Variants in LILRB1 observed in about 807,000 individuals in gnomAD.
LILRB1 encodes leukocyte immunoglobulin like receptor B1, also known as leukocyte immunoglobulin-like receptor subfamily B member 1.
LILRB1 carries 59 observed loss-of-function variants against 74.6 expected under a neutral mutation model. The observed-to-expected ratio is 0.79, with a 90% confidence interval of 0.64 to 0.98. LILRB1 has a LOEUF of 0.98. LILRB1 is among the 50% of genes least tolerant of loss of function. The probability of loss-of-function intolerance (pLI) is 0.00; values close to 1 mark genes in which losing one functional copy is unlikely to be tolerated. For missense variants in LILRB1, 804 were observed against 822.6 expected, an observed-to-expected ratio of 0.98 and a Z score of 0.28; for synonymous variants, 328 against 333.9, an observed-to-expected ratio of 0.98 and a Z score of 0.19.
chr19:54,633,635 C>G lies in LILRB1; in HGVS notation c.1262-3C>G, dbSNP rs2064116958. ...CTCAGCCTCCTCTCATTCTTTTACC[C>G]AGGACCGTCTGGGGGCCCCAGCTCC... On this transcript the variant is annotated splice_polypyrimidine_tract_variant and splice_region_variant and intron_variant, in intron 7 of 14. Coordinates refer to ENST00000324602, the MANE Select transcript of LILRB1 (RefSeq NM_001081637.3). The G allele has an allele frequency of 6.2e-7, 1 of 1,613,220 alleles. No homozygotes were observed. The highest frequency in any genetic ancestry group is 1.3e-5 in the African/African-American group (1 of 74,934).
At chr19:54,617,925 A>C (rs946130570) in intron 1 of LILRB1, among the ~76,000 whole-genome samples, 2 of 151,814 alleles carry the variant, frequency 1.3e-5, no homozygotes, top group African/African-American at 2.4e-5. Flanking sequence ...AACATGGTGA[A>C]TCCCTGTCTC....
intron 1 of LILRB1, among the ~76,000 whole-genome samples, chr19:54,625,146 C>A (rs1454066571): frequency 7.3e-6 from 1 of 137,640 alleles, no homozygotes; most frequent in Non-Finnish European, 1.6e-5. Flanking sequence ...TCAGGGGCCT[C>A]TGAGCATTGG....
rs566286558 is a variant in LILRB1 at position 54,620,125 on chromosome 19, C to T, written c.-166+2776C>T. ...TTGCTTTAAAATGAAGAAAAAATTACGGAGATAAAACTAAATAAAAAGAAC... is the reference window on the plus strand; with the variant it reads ...TTGCTTTAAAATGAAGAAAAAATTATGGAGATAAAACTAAATAAAAAGAAC... On this transcript the variant is annotated intron_variant, in intron 1 of 15. Transcript: ENST00000396331. Among the ~76,000 whole-genome samples, 14 of 151,154 alleles carry T rather than the reference C, an allele frequency of 9.3e-5. No homozygotes were observed. In the South Asian group the frequency reaches 2.5e-3, roughly 27 times the overall value.
intron 1 of LILRB1, among the ~76,000 whole-genome samples, chr19:54,617,822 TTGGGCGTGG>T (rs2063349637): frequency 6.6e-6 from 1 of 151,524 alleles, no homozygotes; most frequent in African/African-American, 2.4e-5. Flanking sequence ...TTTGAAAGGG[TTGGGCGTGG>T]TGGCTCACAC....
In LILRB1 at chr19:54,634,010, A is replaced by G; in HGVS notation, c.1352A>G (p.Asp451Gly). The G allele has an allele frequency of 6.3e-7, 1 of 1,598,470 alleles. No individual in the cohort carries two copies. Among genetic ancestry groups the G allele is most frequent in the Non-Finnish European group, 8.5e-7 (1 of 1,172,556 alleles). The change falls in exon 9 of 15, where the codon GAT (aspartate) becomes GGT (glycine). Residue 451 changes from aspartate (D) to glycine (G), a missense_variant. Asp to Gly is a moderately conservative substitution (Grantham distance 94). Transcript: ENST00000324602. ...EDQPLTPTGSDPQSGLGRHLG... is the reference protein window; with the variant it reads ...EDQPLTPTGSGPQSGLGRHLG... ...CAGCCCCTCACCCCCACCGGGTCGGATCCCCAGAGTGGTGAGTGACGGGCT... is the reference window on the plus strand; with the variant it reads ...CAGCCCCTCACCCCCACCGGGTCGGGTCCCCAGAGTGGTGAGTGACGGGCT...
At chr19:54,621,440 T>C (rs1333441228) in intron 1 of LILRB1, among the ~76,000 whole-genome samples, 1 of 152,230 alleles carries the variant, frequency 6.6e-6, no homozygotes, top group East Asian at 1.9e-4. Context: ...GTTGAGCATT[T>C]TTTAATGTGT....
In LILRB1 at chr19:54,636,840, G is replaced by C; in HGVS notation, c.1921G>C (p.Ala641Pro). 6.2e-7 allele frequency: 1 copy of C among 1,613,646 alleles called. No individual in the cohort carries two copies. The highest frequency in any genetic ancestry group is 2.2e-5 in the East Asian group (1 of 44,846). The part of the protein sequence containing the change: ...PPPSQEGPSP[A>P]VPSIYATLAI... ...TCCATCCCAGGAAGGGCCCTCTCCAGCTGTGCCCAGCATCTACGCCACTCT... is the reference window on the plus strand; with the variant it reads ...TCCATCCCAGGAAGGGCCCTCTCCACCTGTGCCCAGCATCTACGCCACTCT... Residue 641 changes from alanine (A) to proline (P), a missense_variant, in exon 15 of 15, where the codon GCT becomes CCT. Ala to Pro is a conservative substitution (Grantham distance 27, BLOSUM62 -1). Coordinates refer to ENST00000324602, the MANE Select transcript of LILRB1 (RefSeq NM_001081637.3).
rs1363466948 is a variant in LILRB1, at chr19:54,637,144, C to T, written c.*266C>T. 4.4e-6 allele frequency: 2 copies of T among 457,290 alleles called. No individual in the cohort carries two copies. Among genetic ancestry groups the T allele is most frequent in the Non-Finnish European group, 7.7e-6 (2 of 259,864 alleles). 28.3% of individuals were successfully genotyped at this position (457,290 alleles called of 1,614,324 possible). A position where few individuals can be genotyped will look rare whatever the true frequency, so the allele number is the denominator to read the frequency against. On this transcript the variant is annotated 3_prime_UTR_variant, in exon 15 of 15. Transcript: ENST00000324602. ...ACTGAATCACAATGTAAATATTACA[C>T]ATCAAGCGATGAAACTGGAAAACTA...
chr19:54,631,504 C>T lies in LILRB1; in HGVS notation c.75C>T (p.His25=), dbSNP rs1443606012. ...LGPRTHVQAG[H]LPKPTLWAEP... ...TGACTCCTGATTTCCTTCCAGGGCA[C>T]CTCCCCAAGCCCACCCTCTGGGCTG... is the stretch of plus-strand genomic sequence containing the variant. Residue 25 remains histidine, a synonymous_variant, in exon 4 of 15, where the codon CAC becomes CAT. Coordinates refer to ENST00000324602, the MANE Select transcript of LILRB1 (RefSeq NM_001081637.3). The T allele has an allele frequency of 2.5e-6, 4 of 1,607,654 alleles. No homozygotes were observed. Among genetic ancestry groups the T allele is most frequent in the African/African-American group, 2.7e-5 (2 of 74,566 alleles).
At chr19:54,623,307 G>A (rs753541078) in intron 1 of LILRB1, among the ~76,000 whole-genome samples, 44 of 152,088 alleles carry the variant, frequency 2.9e-4, no homozygotes, top group African/African-American at 7.5e-4. Flanking sequence ...CTTTTTTGCC[G>A]GAAGATTTTT....
intron 1 of LILRB1, among the ~76,000 whole-genome samples, chr19:54,622,343 G>A (rs966980143): frequency 3.3e-5 from 5 of 152,076 alleles, no homozygotes; most frequent in Non-Finnish European, 7.4e-5. Flanking sequence ...TTTCTATTTG[G>A]TTGTGTTGCC....
Position 54,634,677 on chromosome 19 carries a change from T to C in LILRB1, c.1400T>C (p.Leu467Ser), listed in dbSNP as rs766879415. ...GRHLGVVIGILVAVILLLLLL... is the reference protein window; with the variant it reads ...GRHLGVVIGISVAVILLLLLL... ...CACCTGGGGGTTGTGATCGGCATCTTGGTGGCCGTCATCCTACTGCTCCTC... is the reference window on the plus strand; with the variant it reads ...CACCTGGGGGTTGTGATCGGCATCTCGGTGGCCGTCATCCTACTGCTCCTC... Residue 467 changes from leucine (L) to serine (S), a missense_variant, in exon 10 of 15, where the codon TTG becomes TCG. Coordinates refer to ENST00000324602, the MANE Select transcript of LILRB1 (RefSeq NM_001081637.3). The C allele has an allele frequency of 1.9e-6, 3 of 1,613,812 alleles. No homozygotes were observed. Among genetic ancestry groups the C allele is most frequent in the Non-Finnish European group, 2.5e-6 (3 of 1,179,866 alleles).
rs147024305 is a variant in LILRB1 at position 54,631,712 on chromosome 19, C to T, written c.283C>T (p.Arg95Trp). ...ATCCATCACCTGGGAACACACAGGG[C>T]GGTATCGCTGTTACTATGGTAGCGA... ...IPSITWEHTG[R>W]YRCYYGSDTA... The change falls in exon 4 of 15, where the codon CGG (arginine) becomes TGG (tryptophan). Residue 95 changes from arginine to tryptophan, a missense_variant. Coordinates refer to ENST00000324602, the MANE Select transcript of LILRB1 (RefSeq NM_001081637.3). 362 of 1,614,144 alleles carry T rather than the reference C, an allele frequency of 2.2e-4. 1 individual carries two copies. The African/African-American group carries it at 3.4e-3, about 15-fold the overall frequency.
upstream of LILRB1, among the ~76,000 whole-genome samples, chr19:54,616,958 A>G (rs1220127022): frequency 6.6e-6 from 1 of 152,162 alleles, no homozygotes; most frequent in African/African-American, 2.4e-5. Flanking sequence ...CTTGTCCAGG[A>G]AGCACATATG....
At chr19:54,628,947 A>G (rs1238140120), upstream of LILRB1, among the ~76,000 whole-genome samples, 1 of 152,242 alleles carries the variant, frequency 6.6e-6, no homozygotes, top group African/African-American at 2.4e-5. Context: ...GCTATGAGCC[A>G]GGAACCGCAG....
At chr19:54,630,817 G>A (rs1374964268) in intron 1 of LILRB1, 184 bp downstream of exon 1, 61 of 746,302 alleles carry the variant, frequency 8.2e-5, no homozygotes, top group Non-Finnish European at 1.2e-4. Flanking sequence ...CCAGACAGAC[G>A]GTGGCTGGGG....
At chr19:54,618,945 T>C (rs1299823152) in intron 1 of LILRB1, among the ~76,000 whole-genome samples, 1 of 152,160 alleles carries the variant, frequency 6.6e-6, no homozygotes, top group African/African-American at 2.4e-5. Context: ...ACTTGTCACA[T>C]AATTTACAAT....
rs1765919279 is a variant in LILRB1, at chr19:54,633,046, T to C, written c.989T>C (p.Val330Ala). The C allele has an allele frequency of 3.1e-6, 5 of 1,614,038 alleles. No homozygotes were observed. The highest frequency in any genetic ancestry group is 2.2e-5 in the East Asian group (1 of 44,882). ...TTCTATGACAGAGTCTCCCTCTCGG[T>C]GCAGCCGGGCCCCACGGTGGCCTCA... The part of the protein sequence containing the change: ...GQFYDRVSLS[V>A]QPGPTVASGE... The change falls in exon 7 of 15, where the codon GTG becomes GCG. Residue 330 changes from valine to alanine, a missense_variant. Val to Ala is a moderately conservative substitution (Grantham distance 64, BLOSUM62 0). Transcript: ENST00000324602.
At chr19:54,636,057 G>A (rs766162371) in intron 13 of LILRB1, 26 of 506,630 alleles carry the variant, frequency 5.1e-5, no homozygotes, top group Non-Finnish European at 8.5e-5. Flanking sequence ...TAAATGTGCC[G>A]CCTCCAGGAG....
Sources: allele counts gnomAD v4.1 joint callset (sites outside exome capture counted in the v4.1 genomes callset), GRCh38; gene constraint gnomAD v4.1.1; transcripts MANE v1.5; gene names NCBI Gene and HGNC (gene_info 2026-07-23, HGNC 2026-07-21).